Variants in LPIN1 observed in about 807,000 individuals in gnomAD.
LPIN1 encodes phosphatidate phosphatase LPIN1.
A neutral mutation model predicts 107.5 loss-of-function variants in LPIN1; 71 were observed. That is an observed-to-expected ratio of 0.66 (90% CI 0.55 to 0.80). The LOEUF (loss-of-function observed/expected upper bound fraction) is 0.80, where lower values mean the gene tolerates loss of function less well. LPIN1 is among the 30% of genes least tolerant of loss of function. The pLI is 0.00. For synonymous variants in LPIN1, 445 were observed against 452.6 expected, an observed-to-expected ratio of 0.98 and a Z score of 0.21; for missense variants, 1,043 against 1,160.6, an observed-to-expected ratio of 0.90 and a Z score of 1.47.
chr2:11,796,020 G>A (rs1022591105), intron 14 of LPIN1, among the ~76,000 whole-genome samples: 2 of 152,194 alleles, frequency 1.3e-5, no homozygotes, highest in South Asian at 2.1e-4. Flanking sequence ...TAATCACTTT[G>A]TATGGGATTG....
At chr2:11,683,493 A>T (rs1379708866) in intron 1 of LPIN1, among the ~76,000 whole-genome samples, 1 of 152,024 alleles carries the variant, frequency 6.6e-6, no homozygotes, top group Non-Finnish European at 1.5e-5. Context: ...GCCCTTTGGG[A>T]GCAGATGGCC....
At position 11,764,046 on chromosome 2, in the gene LPIN1, A is replaced by G. The variant is rs1008229766; in HGVS notation, c.-9-1487A>G. On this transcript the variant is annotated intron_variant, in intron 1 of 20. Transcript: ENST00000674199. ...TTTTGTCCAGCCAGAGCAAGATCCT[A>G]TCTTCAAATGTGTGTGTGTGTGTGT... 3.8e-5 allele frequency among the ~76,000 whole-genome samples: 5 copies of G among 130,002 alleles called. No individual in the cohort carries two copies. The East Asian group carries it at 6.7e-4, about 18-fold the overall frequency. The allele number at this position is 130,002 out of a possible 152,430, so 85.3% of individuals were successfully genotyped here.
chr2:11,796,881 G>C (rs1676819067), intron 14 of LPIN1, among the ~76,000 whole-genome samples: 1 of 152,220 alleles, frequency 6.6e-6, no homozygotes, highest in African/African-American at 2.4e-5. Context: ...ATTGGAGTCA[G>C]GCAAGTGTGG....
At chr2:11,685,226 G>A (rs1410182183) in intron 1 of LPIN1, among the ~76,000 whole-genome samples, 3 of 152,230 alleles carry the variant, frequency 2.0e-5, no homozygotes, top group Non-Finnish European at 4.4e-5. Context: ...TGGCAGGTTT[G>A]AGGAATGCCA....
chr2:11,718,789 G>T (rs1406249588), intron 2 of LPIN1, among the ~76,000 whole-genome samples: 2 of 152,186 alleles, frequency 1.3e-5, no homozygotes, highest in Non-Finnish European at 2.9e-5. Context: ...CCTTGAGGTA[G>T]CCGTTTTTCA....
chr2:11,733,698 C>T (rs1409222975), intron 1 of LPIN1, among the ~76,000 whole-genome samples: 1 of 152,106 alleles, frequency 6.6e-6, no homozygotes, highest in Non-Finnish European at 1.5e-5. Flanking sequence ...TGCCATGTTG[C>T]CCAGGCTGGT....
intron 17 of LPIN1, among the ~76,000 whole-genome samples, chr2:11,813,164 C>T (rs913891935): frequency 2.0e-5 from 3 of 152,078 alleles, no homozygotes; most frequent in Non-Finnish European, 4.4e-5. Flanking sequence ...ACGGTGAGCA[C>T]GTACTGCGCA....
chr2:11,727,056 G>A (rs1664737776), intron 1 of LPIN1, among the ~76,000 whole-genome samples: 1 of 152,234 alleles, frequency 6.6e-6, no homozygotes, highest in Non-Finnish European at 1.5e-5. Flanking sequence ...GTGTCTCCCA[G>A]GTTTTCTACT....
intron 1 of LPIN1, among the ~76,000 whole-genome samples, chr2:11,763,826 T>A (rs1429765486): frequency 6.9e-6 from 1 of 143,962 alleles, no homozygotes; most frequent in African/African-American, 2.7e-5. Flanking sequence ...CCTGTCCACC[T>A]TGTCGTCTGA....
intron 1 of LPIN1, among the ~76,000 whole-genome samples, chr2:11,758,942 G>A (rs745981881): frequency 8.5e-5 from 13 of 152,200 alleles, no homozygotes; most frequent in African/African-American, 2.9e-4. Flanking sequence ...GCAGAGCAAC[G>A]ATTCAGTTAT....
At chr2:11,755,754 C>T (rs922986952) in intron 1 of LPIN1, among the ~76,000 whole-genome samples, 3 of 150,852 alleles carry the variant, frequency 2.0e-5, no homozygotes, top group Admixed American at 6.6e-5. Flanking sequence ...CAGAGTCTCG[C>T]TCTGTCGCCC....
At chr2:11,724,874 T>G (rs1001771618) in intron 1 of LPIN1, among the ~76,000 whole-genome samples, 3 of 152,242 alleles carry the variant, frequency 2.0e-5, no homozygotes, top group Non-Finnish European at 4.4e-5. Context: ...AACTGGATGC[T>G]TTCTCAAGGA....
At chr2:11,729,543 T>G (rs569452240) in intron 1 of LPIN1, among the ~76,000 whole-genome samples, 1 of 152,354 alleles carries the variant, frequency 6.6e-6, no homozygotes, top group East Asian at 1.9e-4. Context: ...ACTTGTGTTG[T>G]AAATCAAGTC....
chr2:11,739,825 ATG>A (rs1666154864), intron 1 of LPIN1, among the ~76,000 whole-genome samples: 1 of 152,252 alleles, frequency 6.6e-6, no homozygotes, highest in Non-Finnish European at 1.5e-5. Context: ...ATAGAATTAG[ATG>A]AGGGTGTTAA....
intron 3 of LPIN1, among the ~76,000 whole-genome samples, chr2:11,769,297 T>C (rs940883239): frequency 3.9e-5 from 6 of 152,260 alleles, no homozygotes; most frequent in Non-Finnish European, 7.3e-5. Flanking sequence ...GGTTATGATT[T>C]GCATTTTCCT....
In LPIN1 at chr2:11,787,060, A is replaced by G. The variant is rs768932422; in HGVS notation, c.1550-14A>G. The G allele has an allele frequency of 6.3e-7, 1 of 1,590,392 alleles. No homozygotes were observed. The highest frequency in any genetic ancestry group is 8.6e-7 in the Non-Finnish European group (1 of 1,158,212). On this transcript the variant is annotated splice_polypyrimidine_tract_variant and intron_variant, in intron 10 of 20. Transcript: ENST00000674199. ...TTTTTGTTTTTCCCTGATCCTCTGC[A>G]ATTGCTGTCACAGATGCATTCCTGG...
At position 11,786,968 on chromosome 2, in the gene LPIN1, A is replaced by G; in HGVS notation, c.1550-106A>G. On this transcript the variant is annotated intron_variant, in intron 10 of 20. Transcript: ENST00000674199. The surrounding 1 kb of genome is among the most constrained non-coding windows in gnomAD (Gnocchi z 4.1). The stretch of plus-strand genomic sequence containing the variant: ...AGGATTGTCTGCACAGTTGGAATGC[A>G]CAAACTCTCAGAAAACACTTGTGAG... 1.3e-6 allele frequency: 1 copy of G among 796,982 alleles called. No individual in the cohort carries two copies. Among genetic ancestry groups the G allele is most frequent in the Non-Finnish European group, 2.2e-6 (1 of 446,556 alleles). 49.4% of individuals were successfully genotyped at this position (796,982 alleles called of 1,614,324 possible). A position where few individuals can be genotyped will look rare whatever the true frequency, so the allele number is the denominator to read the frequency against.
intron 1 of LPIN1, among the ~76,000 whole-genome samples, chr2:11,758,514 C>A (rs1001591554): frequency 6.6e-6 from 1 of 152,032 alleles, no homozygotes; most frequent in African/African-American, 2.4e-5. Flanking sequence ...ACTTTCAGTG[C>A]TTAGTTTAAG....
chr2:11,773,571 A>G, intron 4 of LPIN1, 49 bp from the exon 5 acceptor site: 1 of 1,548,600 alleles, frequency 6.5e-7, no homozygotes, highest in East Asian at 2.2e-5. Flanking sequence ...TTGATTATGA[A>G]TCTATCATTA....
Sources: allele counts gnomAD v4.1 joint callset (sites outside exome capture counted in the v4.1 genomes callset), GRCh38; gene constraint gnomAD v4.1.1; non-coding constraint Gnocchi (gnomAD v3.1); transcripts MANE v1.5; gene names NCBI Gene and HGNC (gene_info 2026-07-23, HGNC 2026-07-21).